Variants in LIMA1 observed in about 807,000 individuals in gnomAD.
LIMA1 encodes LIM domain and actin binding 1.
In LIMA1, 52 loss-of-function variants were observed where a neutral mutation model predicts 62.6. The observed-to-expected ratio is 0.83, with a 90% confidence interval of 0.67 to 1.05. The LOEUF (loss-of-function observed/expected upper bound fraction) is 1.05. Ranked by LOEUF, LIMA1 falls within the 50% of genes least tolerant of loss-of-function variation. The probability of loss-of-function intolerance (pLI) is 0.00; values close to 1 mark genes in which losing one functional copy is unlikely to be tolerated. For missense variants in LIMA1, 780 were observed against 902.2 expected (o/e 0.86, Z 1.74); for synonymous variants, 302 against 317.8 (o/e 0.95, Z 0.53).
intron 4 of LIMA1, among the ~76,000 whole-genome samples, chr12:50,208,580 G>A (rs914407063): frequency 6.6e-6 from 1 of 152,214 alleles, no homozygotes; most frequent in Non-Finnish European, 1.5e-5. Flanking sequence ...AGCCTGGGAG[G>A]TGTATGTTGC....
intron 1 of LIMA1, among the ~76,000 whole-genome samples, chr12:50,259,010 G>A (rs146694425): frequency 2.5e-4 from 38 of 152,046 alleles, no homozygotes; most frequent in Middle Eastern, 3.2e-3. Flanking sequence ...GCATCACAAG[G>A]TTCATTCTAG....
At chr12:50,277,129 T>C (rs1325178289) in intron 1 of LIMA1, among the ~76,000 whole-genome samples, 1 of 152,094 alleles carries the variant, frequency 6.6e-6, no homozygotes, top group Non-Finnish European at 1.5e-5. Flanking sequence ...GTGGCACAGG[T>C]CAGCAGGGCT....
intron 1 of LIMA1, among the ~76,000 whole-genome samples, chr12:50,275,745 C>G (rs1013381200): frequency 6.6e-6 from 1 of 152,046 alleles, no homozygotes; most frequent in Non-Finnish European, 1.5e-5. Flanking sequence ...CTGGGCAGGT[C>G]CAGGAAACAG....
At chr12:50,252,860 G>A (rs1268257972) in intron 1 of LIMA1, among the ~76,000 whole-genome samples, 1 of 152,138 alleles carries the variant, frequency 6.6e-6, no homozygotes, top group African/African-American at 2.4e-5. Flanking sequence ...CATGTAACAT[G>A]ACTAACATCA....
Position 50,222,138 on chromosome 12 carries a change from T to G in LIMA1, c.513A>C (p.Glu171Asp). 1 of 1,614,206 alleles carries G rather than the reference T, an allele frequency of 6.2e-7. No individual in the cohort carries two copies. Among genetic ancestry groups the G allele is most frequent in the Non-Finnish European group, 8.5e-7 (1 of 1,180,024 alleles). ...TTTCACTGATTTCTGATTTTTCTAC[T>G]TCATGCCTGGATTCTCCTAGACAAT... is the stretch of plus-strand genomic sequence containing the variant. ...MENCLGESRH[E>D]VEKSEISENT... The change falls in exon 4 of 11, where the codon GAA becomes GAC. Residue 171 changes from glutamate to aspartate, a missense_variant. Glu to Asp is a conservative substitution (Grantham distance 45). Transcript: ENST00000341247.
intron 9 of LIMA1, chr12:50,188,978 G>A (rs1940692183): frequency 6.6e-6 from 1 of 152,194 alleles, no homozygotes; most frequent in Non-Finnish European, 1.5e-5. Flanking sequence ...TGTCAGAGAG[G>A]AAAGTAACCC....
chr12:50,267,201 C>CT (rs1942149271), intron 1 of LIMA1, among the ~76,000 whole-genome samples: 1 of 151,878 alleles, frequency 6.6e-6, no homozygotes, highest in African/African-American at 2.4e-5. Context: ...TCCCAAGTAG[C>CT]TGGGACTACA....
At chr12:50,231,428 T>C (rs1160474522) in intron 3 of LIMA1, among the ~76,000 whole-genome samples, 1 of 152,208 alleles carries the variant, frequency 6.6e-6, no homozygotes, top group African/African-American at 2.4e-5. Flanking sequence ...ATTTGGCCTC[T>C]TGTCCTTCAC....
At chr12:50,244,479 T>A (rs1312676761) in intron 2 of LIMA1, among the ~76,000 whole-genome samples, 1 of 152,132 alleles carries the variant, frequency 6.6e-6, no homozygotes, top group Non-Finnish European at 1.5e-5. Flanking sequence ...CCTCAAATGA[T>A]CCACCTGCCA....
In LIMA1 at chr12:50,187,510, TG is replaced by T. The variant is rs577656360; in HGVS notation, c.1140+4941del. The T allele has an allele frequency of 5.9e-5, 9 of 152,270 alleles. 1 individual carries two copies. In the South Asian group the frequency reaches 1.9e-3, roughly 32 times the overall value. 9.4% of individuals were successfully genotyped at this position (152,270 alleles called of 1,614,324 possible). A position where few individuals can be genotyped will look rare whatever the true frequency, so the allele number is the denominator to read the frequency against. ...TCTGTGAAACTCTATGAAAGCATTT[TG>T]GGGAATATTCATATCTTAAATAGAG... On this transcript the variant is annotated intron_variant, in intron 9 of 10. Transcript: ENST00000341247.
In LIMA1 at chr12:50,181,178, T is replaced by A. The variant is rs78593506; in HGVS notation, c.1274+726A>T. Among the ~76,000 whole-genome samples the A allele has an allele frequency of 9.7e-3, 1,412 of 146,038 alleles. 20 individuals are homozygous for A. The highest frequency in any genetic ancestry group is 0.033 in the African/African-American group (1,316 of 39,726). ...TTAACACAGTGGGCAGCAGAAGAAC[T>A]AATGAGTGGAAGTGACTGAGGTACA... is the stretch of plus-strand genomic sequence containing the variant. On this transcript the variant is annotated intron_variant, in intron 10 of 10. Transcript: ENST00000341247.
At chr12:50,196,655 A>T (rs61255936) in intron 7 of LIMA1, among the ~76,000 whole-genome samples, 240 of 152,346 alleles carry the variant, frequency 1.6e-3, no homozygotes, top group African/African-American at 5.7e-3. Flanking sequence ...TGCACTCTTC[A>T]CATAATTTCC....
At chr12:50,185,406 A>G in intron 9 of LIMA1, 1 of 456,210 alleles carries the variant, frequency 2.2e-6, no homozygotes, top group Non-Finnish European at 4.4e-6. Context: ...AGGAAAGTGG[A>G]AGGCAGGAGC....
At chr12:50,245,768 A>T (rs1941839930) in intron 2 of LIMA1, among the ~76,000 whole-genome samples, 1 of 152,058 alleles carries the variant, frequency 6.6e-6, no homozygotes. Flanking sequence ...CTGGCACGCC[A>T]CTGCAATGAA....
chr12:50,230,245 G>C (rs1395886436), intron 3 of LIMA1, among the ~76,000 whole-genome samples: 1 of 152,174 alleles, frequency 6.6e-6, no homozygotes, highest in Admixed American at 6.5e-5. Context: ...ATCTTGGCCA[G>C]GTTGGTCTCC....
intron 2 of LIMA1, among the ~76,000 whole-genome samples, chr12:50,239,639 CA>C (rs1941745156): frequency 6.6e-6 from 1 of 151,416 alleles, no homozygotes; most frequent in Non-Finnish European, 1.5e-5. Context: ...GACTCTGTCT[CA>C]AAAAACAAAC....
intron 3 of LIMA1, among the ~76,000 whole-genome samples, chr12:50,230,901 G>A (rs984692874): frequency 6.6e-6 from 1 of 152,116 alleles, no homozygotes; most frequent in African/African-American, 2.4e-5. Flanking sequence ...ATGCACCAGA[G>A]GAGACCCATT....
intron 8 of LIMA1, among the ~76,000 whole-genome samples, chr12:50,193,662 A>ATTTTTTT (rs1565833493): frequency 1.1e-5 from 1 of 93,474 alleles, no homozygotes; most frequent in Non-Finnish European, 2.1e-5. Flanking sequence ...ATATATATAT[A>ATTTTTTT]TATATTTTTT....
intron 1 of LIMA1, among the ~76,000 whole-genome samples, chr12:50,266,591 T>C (rs1395587429): frequency 6.6e-6 from 1 of 152,224 alleles, no homozygotes; most frequent in African/African-American, 2.4e-5. Context: ...GGAACAAACA[T>C]GCTTGTACTA....
Sources: allele counts gnomAD v4.1 joint callset (sites outside exome capture counted in the v4.1 genomes callset), GRCh38; gene constraint gnomAD v4.1.1; transcripts MANE v1.5; gene names NCBI Gene and HGNC (gene_info 2026-07-23, HGNC 2026-07-21).